The following NEK7 variants were observed in gnomAD, a reference collection of about 807,000 sequenced individuals.
The protein encoded by NEK7 is serine/threonine-protein kinase Nek7.
NEK7 carries 18 observed loss-of-function variants against 44.6 expected under a neutral mutation model. That is an observed-to-expected ratio of 0.40 (90% CI 0.28 to 0.60). The LOEUF (loss-of-function observed/expected upper bound fraction) is 0.60, where lower values mean the gene tolerates loss of function less well. Ranked by LOEUF, NEK7 falls within the 20% of genes least tolerant of loss-of-function variation. The pLI is 0.38. For missense variants in NEK7, 256 were observed against 366.5 expected (o/e 0.70, Z 2.46); for synonymous variants, 130 against 121.1 (o/e 1.07, Z -0.48).
chr1:198,269,158 T>C (rs1359659114), intron 5 of NEK7, among the ~76,000 whole-genome samples: 3 of 152,162 alleles, frequency 2.0e-5, no homozygotes, highest in African/African-American at 7.2e-5. Context: ...CTTGCCTGGC[T>C]ATCTTCAGCT....
At chr1:198,287,659 A>G (rs1654417319) in intron 7 of NEK7, among the ~76,000 whole-genome samples, 1 of 151,768 alleles carries the variant, frequency 6.6e-6, no homozygotes, top group Non-Finnish European at 1.5e-5. Flanking sequence ...AGCTTACTGC[A>G]TGTTTGTGTG....
At chr1:198,209,739 G>A (rs751843931) in intron 1 of NEK7, among the ~76,000 whole-genome samples, 1 of 148,676 alleles carries the variant, frequency 6.7e-6, no homozygotes. Flanking sequence ...AGGCTCAAGC[G>A]ATCCTCCTGC....
intron 9 of NEK7, among the ~76,000 whole-genome samples, chr1:198,310,287 CGTT>C (rs1434593936): frequency 4.6e-5 from 7 of 151,714 alleles, no homozygotes; most frequent in East Asian, 3.9e-4. Flanking sequence ...TTTTTGATGG[CGTT>C]GTTTGTTTTT....
chr1:198,243,857 A>T (rs1666754402), intron 2 of NEK7, among the ~76,000 whole-genome samples: 1 of 151,872 alleles, frequency 6.6e-6, no homozygotes, highest in South Asian at 2.1e-4. Flanking sequence ...ATAGGAAGAA[A>T]CACGAATAAT....
chr1:198,292,933 GT>G lies in NEK7; in HGVS notation c.590-5del. 18 of 1,432,802 alleles carry G rather than the reference GT, an allele frequency of 1.3e-5. No individual in the cohort carries two copies. The highest frequency in any genetic ancestry group is 1.7e-5 in the Non-Finnish European group (17 of 1,018,302). The allele number at this position is 1,432,802 out of a possible 1,614,324, so 88.8% of individuals were successfully genotyped here. On this transcript the variant is annotated splice_polypyrimidine_tract_variant and intron_variant, in intron 7 of 9. Transcript: ENST00000367385. ...ATATACCTCTTACTTTATTTGGTTT[GT>G]TTTTTTGCAGTTGGTACGCCTTATT...
Position 198,314,517 on chromosome 1 carries a change from TAG to T in NEK7, c.799-4892_799-4891del, listed in dbSNP as rs1309112701. ...GGAGGAGGAGAGGCGCTCTGCTTTT[TAG>T]AGTTTCCAGTTTTTCTGCTCTGTTT... is the stretch of plus-strand genomic sequence containing the variant. On this transcript the variant is annotated intron_variant, in intron 9 of 9. Coordinates refer to ENST00000367385, the MANE Select transcript of NEK7 (RefSeq NM_133494.3). 5.3e-5 allele frequency among the ~76,000 whole-genome samples: 8 copies of T among 152,324 alleles called. No homozygotes were observed. The East Asian group carries it at 1.2e-3, about 22-fold the overall frequency.
intron 1 of NEK7, among the ~76,000 whole-genome samples, chr1:198,187,005 T>G (rs1370231158): frequency 6.6e-6 from 1 of 152,212 alleles, no homozygotes; most frequent in Non-Finnish European, 1.5e-5. Flanking sequence ...CATTATGACT[T>G]GTACAAAGGA....
intron 7 of NEK7, among the ~76,000 whole-genome samples, chr1:198,290,326 C>T (rs1031030059): frequency 3.3e-5 from 5 of 152,132 alleles, no homozygotes; most frequent in South Asian, 2.1e-4. Flanking sequence ...CAACAGTAAT[C>T]GTAGACACAG....
At chr1:198,284,508 C>G (rs1373149228) in intron 7 of NEK7, among the ~76,000 whole-genome samples, 1 of 152,142 alleles carries the variant, frequency 6.6e-6, no homozygotes, top group Non-Finnish European at 1.5e-5. Context: ...CCACCCTTAA[C>G]TTTAGCTGAT....
intron 3 of NEK7, among the ~76,000 whole-genome samples, chr1:198,261,729 AT>A (rs1302496828): frequency 6.6e-6 from 1 of 151,870 alleles, no homozygotes; most frequent in African/African-American, 2.4e-5. Flanking sequence ...ACCTTGAGAG[AT>A]TTGTGTTTTC....
chr1:198,217,677 C>A (rs1027182682), intron 1 of NEK7, among the ~76,000 whole-genome samples: 1 of 151,750 alleles, frequency 6.6e-6, no homozygotes, highest in African/African-American at 2.4e-5. Context: ...TGATCTTATA[C>A]CTAGAAAACC....
At chr1:198,275,663 A>C (rs1221956884) in intron 5 of NEK7, among the ~76,000 whole-genome samples, 1 of 151,284 alleles carries the variant, frequency 6.6e-6, no homozygotes, top group East Asian at 1.9e-4. Context: ...CTTTTTTTAA[A>C]TTCTTTGGCT....
At chr1:198,257,904 G>T (rs1653327889) in intron 3 of NEK7, among the ~76,000 whole-genome samples, 1 of 151,928 alleles carries the variant, frequency 6.6e-6, no homozygotes, top group African/African-American at 2.4e-5. Flanking sequence ...ACAATAGTGG[G>T]ACACAATAAT....
chr1:198,285,116 G>A (rs1049064654), intron 7 of NEK7, among the ~76,000 whole-genome samples: 1 of 151,882 alleles, frequency 6.6e-6, no homozygotes, highest in African/African-American at 2.4e-5. Flanking sequence ...TTAGGACTTA[G>A]TATCTTCTGA....
intron 2 of NEK7, among the ~76,000 whole-genome samples, chr1:198,248,093 A>G (rs1376805007): frequency 1.3e-5 from 2 of 152,150 alleles, no homozygotes; most frequent in African/African-American, 4.8e-5. Context: ...GAGAATGGTA[A>G]AAGGCACGGA....
At chr1:198,205,871 T>C (rs1300816924) in intron 1 of NEK7, among the ~76,000 whole-genome samples, 1 of 152,128 alleles carries the variant, frequency 6.6e-6, no homozygotes, top group Non-Finnish European at 1.5e-5. Flanking sequence ...ATTTTTTTAA[T>C]GTTAGGAATA....
chr1:198,200,225 A>G (rs972298190), intron 1 of NEK7, among the ~76,000 whole-genome samples: 17 of 152,192 alleles, frequency 1.1e-4, no homozygotes, highest in African/African-American at 4.1e-4. Flanking sequence ...TCTAATTTAT[A>G]GAGCATATTA....
At chr1:198,293,918 G>A (rs1223846399) in intron 8 of NEK7, among the ~76,000 whole-genome samples, 2 of 151,822 alleles carry the variant, frequency 1.3e-5, no homozygotes, top group African/African-American at 4.8e-5. Context: ...AGGATAAATA[G>A]AAACCAATGC....
intron 2 of NEK7, among the ~76,000 whole-genome samples, chr1:198,234,096 C>T (rs1328455933): frequency 6.6e-6 from 1 of 151,962 alleles, no homozygotes; most frequent in East Asian, 1.9e-4. Context: ...TCTTATTTAC[C>T]TTGGATGCCC....
Sources: gnomAD v4.1 joint callset for allele counts (sites outside exome capture counted in the v4.1 genomes callset) on GRCh38, gnomAD v4.1.1 for gene constraint, MANE v1.5 for transcripts, NCBI Gene and HGNC (gene_info 2026-07-23, HGNC 2026-07-21) for gene names.